The following FGF5 variants were observed in gnomAD, a reference collection of about 807,000 sequenced individuals.
FGF5 encodes the protein fibroblast growth factor 5.
Under a neutral mutation model 21.8 loss-of-function variants are expected in FGF5, and 23 were observed. The observed-to-expected ratio is 1.05, with a 90% CI of 0.76 to 1.49. FGF5 has a LOEUF of 1.49. FGF5 is among the 40% of genes most tolerant of loss of function. The pLI is 0.00. For synonymous variants in FGF5, 158 were observed against 124.0 expected (o/e 1.27, Z -1.82); for missense variants, 352 against 332.9 (o/e 1.06, Z -0.45).
chr4:80,275,053 G>T (rs372410033), intron 2 of FGF5, 41 bp downstream of exon 2: 7 of 815,666 alleles, frequency 8.6e-6, no homozygotes, highest in African/African-American at 5.4e-5. Flanking sequence ...GTGCTATAAA[G>T]ATTTTACATT....
chr4:80,271,735 C>A (rs1010010920), intron 1 of FGF5, among the ~76,000 whole-genome samples: 1 of 152,106 alleles, frequency 6.6e-6, no homozygotes, highest in Non-Finnish European at 1.5e-5. Flanking sequence ...GAAATACTGC[C>A]TTGGCATCCA....
At chr4:80,284,152 C>A (rs145917232) in intron 2 of FGF5, among the ~76,000 whole-genome samples, 10 of 152,214 alleles carry the variant, frequency 6.6e-5, no homozygotes, top group African/African-American at 2.4e-4. Flanking sequence ...TACCTGCCTT[C>A]GGCCGGGTGC....
rs1441435125 is a variant in FGF5, at chr4:80,290,779, A to G, written c.*4107A>G. 1 of 152,056 alleles carries G rather than the reference A, an allele frequency of 6.6e-6. No individual in the cohort carries two copies. The highest frequency in any genetic ancestry group is 1.5e-5 in the Non-Finnish European group (1 of 68,022). The allele number at this position is 152,056 out of a possible 1,614,324, so 9.4% of individuals were successfully genotyped here. A position where few individuals can be genotyped will look rare whatever the true frequency, so the allele number is the denominator to read the frequency against. On this transcript the variant is annotated 3_prime_UTR_variant, in exon 3 of 3. Transcript: ENST00000312465. ...GTTCAATTCCCACCTATGAGTGAGA[A>G]TATGTGGTGTTTGGTTTTTGGTCCT...
chr4:80,283,348 G>A (rs544550516), intron 2 of FGF5, among the ~76,000 whole-genome samples: 3 of 152,122 alleles, frequency 2.0e-5, no homozygotes, highest in East Asian at 3.9e-4. Flanking sequence ...TCTCCATAAA[G>A]GGCTCCTCTT....
chr4:80,283,050 C>T (rs1720601804), intron 2 of FGF5, among the ~76,000 whole-genome samples: 1 of 152,096 alleles, frequency 6.6e-6, no homozygotes, highest in African/African-American at 2.4e-5. Context: ...ACCGGGAATA[C>T]TAACAGGAAT....
intron 2 of FGF5, among the ~76,000 whole-genome samples, 166 bp downstream of exon 2, chr4:80,275,178 ATAATT>A (rs1371604455): frequency 6.6e-6 from 1 of 152,050 alleles, no homozygotes; most frequent in Non-Finnish European, 1.5e-5. Context: ...TCCAGAAGTA[ATAATT>A]TAAATATTTA....
intron 1 of FGF5, 127 bp downstream of exon 1, chr4:80,267,306 T>A: frequency 4.1e-6 from 3 of 737,074 alleles, no homozygotes; most frequent in Non-Finnish European, 6.6e-6. Flanking sequence ...AAGCTGATAC[T>A]CAGAAACAGC....
At chr4:80,275,964 G>C (rs532943817) in intron 2 of FGF5, among the ~76,000 whole-genome samples, 5 of 151,904 alleles carry the variant, frequency 3.3e-5, no homozygotes, top group African/African-American at 1.2e-4. Flanking sequence ...AGTTTCAATT[G>C]ATAGCAATAA....
rs556284844 is a variant in FGF5 at position 80,267,234 on chromosome 4, G to A, written c.355+55G>A. On this transcript the variant is annotated intron_variant, in intron 1 of 2. Coordinates refer to ENST00000312465, the MANE Select transcript of FGF5 (RefSeq NM_004464.4). The stretch of plus-strand genomic sequence containing the variant: ...TCCTAGGCGGCCGCGGAAGATTCGG[G>A]AGGGACAGCAGGTATTCGCCGGGAC... 8.0e-4 allele frequency: 1,130 copies of A among 1,413,082 alleles called. 11 individuals carry two copies. In the South Asian group the frequency reaches 0.012, roughly 15 times the overall value. The allele number at this position is 1,413,082 out of a possible 1,614,324, so 87.5% of individuals were successfully genotyped here. A position where few individuals can be genotyped will look rare whatever the true frequency, so the allele number is the denominator to read the frequency against.
chr4:80,276,650 C>T (rs1720419984), intron 2 of FGF5, among the ~76,000 whole-genome samples: 1 of 151,760 alleles, frequency 6.6e-6, no homozygotes, highest in South Asian at 2.1e-4. Flanking sequence ...GCCCCCTCCC[C>T]TTTCCCCCTG....
intron 1 of FGF5, among the ~76,000 whole-genome samples, chr4:80,271,755 T>C (rs560995216): frequency 6.6e-5 from 10 of 152,318 alleles, no homozygotes; most frequent in Admixed American, 2.0e-4. Context: ...ATAAGGAGAA[T>C]TGTAAGTTTC....
At chr4:80,277,039 A>T (rs1720433722) in intron 2 of FGF5, among the ~76,000 whole-genome samples, 1 of 152,148 alleles carries the variant, frequency 6.6e-6, no homozygotes, top group South Asian at 2.1e-4. Context: ...TGCCACAGAA[A>T]GTAACATATT....
intron 2 of FGF5, among the ~76,000 whole-genome samples, chr4:80,284,922 A>T (rs1304522268): frequency 6.6e-6 from 1 of 152,224 alleles, no homozygotes; most frequent in East Asian, 1.9e-4. Context: ...TATAGGGGAC[A>T]AAATATTTGG....
chr4:80,278,924 C>T (rs1720485209), intron 2 of FGF5, among the ~76,000 whole-genome samples: 1 of 152,126 alleles, frequency 6.6e-6, no homozygotes, highest in Admixed American at 6.5e-5. Context: ...TTCCAAAGAG[C>T]CATGAGGGCT....
In FGF5 at chr4:80,289,817, A is replaced by G. The variant is rs1247576807; in HGVS notation, c.*3145A>G. 6.6e-6 allele frequency: 1 copy of G among 152,104 alleles called. No individual in the cohort carries two copies. Among genetic ancestry groups the G allele is most frequent in the African/African-American group, 2.4e-5 (1 of 41,446 alleles). 9.4% of individuals were successfully genotyped at this position (152,104 alleles called of 1,614,324 possible). A position where few individuals can be genotyped will look rare whatever the true frequency, so the allele number is the denominator to read the frequency against. On this transcript the variant is annotated 3_prime_UTR_variant, in exon 3 of 3. Coordinates refer to ENST00000312465, the MANE Select transcript of FGF5 (RefSeq NM_004464.4). Reference sequence around the variant, plus strand: ...CAAAATCATGTGACAATAATAAGGGATACTGACAGAAGTTATTTCCAAGTT... The same window carrying G: ...CAAAATCATGTGACAATAATAAGGGGTACTGACAGAAGTTATTTCCAAGTT...
intron 2 of FGF5, among the ~76,000 whole-genome samples, chr4:80,281,313 G>C (rs2109926739): frequency 6.6e-6 from 1 of 152,210 alleles, no homozygotes; most frequent in South Asian, 2.1e-4. Context: ...AGGAGGGAGG[G>C]GAATTAGAAG....
Position 80,286,341 on chromosome 4 carries a change from A to G in FGF5, c.476A>G (p.Asp159Gly). Residue 159 changes from aspartate to glycine, a missense_variant, in exon 3 of 3, where the codon GAC (aspartate) becomes GGC (glycine). Coordinates refer to ENST00000312465, the MANE Select transcript of FGF5 (RefSeq NM_004464.4). ...CCTCCTTAGGCCAAGTTCACAGATG[A>G]CTGCAAGTTCAGGGAGCGTTTTCAA... ...KLHASAKFTD[D>G]CKFRERFQEN... 6.3e-7 allele frequency: 1 copy of G among 1,590,454 alleles called. No homozygotes were observed. The highest frequency in any genetic ancestry group is 8.6e-7 in the Non-Finnish European group (1 of 1,167,432).
intron 1 of FGF5, among the ~76,000 whole-genome samples, chr4:80,269,206 G>A (rs1720200562): frequency 6.6e-6 from 1 of 152,168 alleles, no homozygotes; most frequent in African/African-American, 2.4e-5. Context: ...CTGGGTACAT[G>A]ACAGAGCACC....
rs1341888239 is a variant in FGF5 at position 80,285,810 on chromosome 4, T to TTC, written c.460-508_460-507dup. 2.0e-5 allele frequency among the ~76,000 whole-genome samples: 3 copies of TTC among 152,178 alleles called. No homozygotes were observed. The South Asian group carries it at 6.2e-4, about 31-fold the overall frequency. On this transcript the variant is annotated intron_variant, in intron 2 of 2. Coordinates refer to ENST00000312465, the MANE Select transcript of FGF5 (RefSeq NM_004464.4). ...AATATTAATGGGGGCCATATGCTAC[T>TTC]TCTCTCTCAGCAGCCTCAATCACAC...
Sources: gnomAD v4.1 joint callset for allele counts (sites outside exome capture counted in the v4.1 genomes callset) on GRCh38, gnomAD v4.1.1 for gene constraint, MANE v1.5 for transcripts, NCBI Gene and HGNC (gene_info 2026-07-23, HGNC 2026-07-21) for gene names.